PCGF3: variants seen among roughly 807,000 people sequenced by gnomAD.
PCGF3 encodes polycomb group RING finger protein 3.
A neutral mutation model predicts 33.1 loss-of-function variants in PCGF3; 7 were observed. The observed-to-expected ratio is 0.21, with a 90% confidence interval of 0.12 to 0.40. The LOEUF is 0.40. Ranked by LOEUF, PCGF3 falls within the 10% of genes least tolerant of loss-of-function variation. PCGF3 has a pLI of 1.00. For missense variants in PCGF3, 211 were observed against 313.3 expected (o/e 0.67, Z 2.46); for synonymous variants, 153 against 121.3 (o/e 1.26, Z -1.72).
chr4:749,856 C>T (rs138970727), intron 8 of PCGF3, among the ~76,000 whole-genome samples: 1 of 152,210 alleles, frequency 6.6e-6, no homozygotes, highest in Non-Finnish European at 1.5e-5. Flanking sequence ...CTGGCTCTCT[C>T]ACCCAACCTG....
intron 8 of PCGF3, among the ~76,000 whole-genome samples, chr4:754,388 C>T (rs1406343443): frequency 1.3e-5 from 2 of 152,240 alleles, no homozygotes; most frequent in Non-Finnish European, 2.9e-5. Flanking sequence ...TCCTGCTGCA[C>T]GCCTGCTGGA....
intron 8 of PCGF3, 43 bp from the exon 9 acceptor site, chr4:761,213 AGGAAGCCTCCAGAACCGTCCGGG>A: frequency 7.2e-7 from 1 of 1,389,072 alleles, no homozygotes; most frequent in Non-Finnish European, 9.6e-7. Context: ...AATATGTCTA[AGGAAGCCTCCAGAACCGTCCGGG>A]GGAACCCTCC....
chr4:763,578 A>T (rs1339387925), intron 9 of PCGF3, among the ~76,000 whole-genome samples: 2 of 152,224 alleles, frequency 1.3e-5, no homozygotes, highest in Non-Finnish European at 2.9e-5. Flanking sequence ...CTGACAACAC[A>T]TTCGGGAAAC....
At chr4:734,851 C>T (rs150392183) in intron 4 of PCGF3, 80 bp from the exon 5 acceptor site, 106 of 1,540,996 alleles carry the variant, frequency 6.9e-5, no homozygotes, top group Admixed American at 9.9e-5. Context: ...TCAGAGACGC[C>T]CGTGTTCAGT....
exon 11 of PCGF3, chr4:767,873 C>T (rs62294081): frequency 0.073 from 11,171 of 152,732 alleles, 476 homozygotes; most frequent in South Asian, 0.14. Context: ...TCAAAATACA[C>T]ATACTGCTGA....
chr4:738,474 C>T (rs1227991388), intron 6 of PCGF3, among the ~76,000 whole-genome samples: 1 of 152,186 alleles, frequency 6.6e-6, no homozygotes, highest in Admixed American at 6.5e-5. Flanking sequence ...AACGTTTGCA[C>T]CGAGTGTTTC....
chr4:765,028 A>G (rs1248327228), exon 10 of PCGF3: 1 of 1,613,832 alleles, frequency 6.2e-7, no homozygotes, highest in Admixed American at 1.7e-5. Context: ...AGGACCACAC[A>G]CTCAAGTTCG....
At position 736,042 on chromosome 4, in the gene PCGF3, T is replaced by A. The variant is rs570507830; in HGVS notation, c.206+1015T>A. Among the ~76,000 whole-genome samples the A allele has an allele frequency of 2.9e-3, 437 of 152,200 alleles. 11 individuals are homozygous for A. Among genetic ancestry groups the A allele is most frequent in the South Asian group, 8.9e-3 (43 of 4,818 alleles). ...GTTTTTCCCTTTTATTATTATTATT[T>A]TTCTTAATTTTATTTATTTTTCTTG... is the stretch of plus-strand genomic sequence containing the variant. On this transcript the variant is annotated intron_variant, in intron 5 of 10. Coordinates refer to ENST00000362003, the Ensembl canonical transcript of PCGF3.
chr4:708,871 T>C (rs746780747), intron 1 of PCGF3, among the ~76,000 whole-genome samples: 2 of 152,176 alleles, frequency 1.3e-5, no homozygotes, highest in Non-Finnish European at 2.9e-5. Flanking sequence ...CAGGCAAGGC[T>C]ATTTCCCACT....
At chr4:728,418 C>T (rs1047960831) in intron 1 of PCGF3, among the ~76,000 whole-genome samples, 9 of 151,348 alleles carry the variant, frequency 5.9e-5, no homozygotes, top group East Asian at 1.9e-4. Flanking sequence ...GCGTAGAGTG[C>T]GTGGGGGGTG....
At chr4:713,715 G>C (rs2109520515) in intron 1 of PCGF3, among the ~76,000 whole-genome samples, 1 of 152,206 alleles carries the variant, frequency 6.6e-6, no homozygotes, top group East Asian at 1.9e-4. Context: ...CCTCATGGAT[G>C]CTGTGTGGAG....
exon 11 of PCGF3, chr4:768,712 TTATTC>T (rs1294951499): frequency 2.6e-5 from 4 of 152,764 alleles, no homozygotes; most frequent in Admixed American, 2.0e-4. Context: ...ATAAAATTAT[TTATTC>T]TATTTTAAGC....
At chr4:733,647 T>A (rs1419248881) in intron 3 of PCGF3, 25 bp from the exon 4 acceptor site, 1 of 1,585,718 alleles carries the variant, frequency 6.3e-7, no homozygotes, top group Non-Finnish European at 8.5e-7. Flanking sequence ...TTTCAGGTGT[T>A]AATTAATCGC....
chr4:730,464 C>T (rs1054515970), intron 1 of PCGF3, among the ~76,000 whole-genome samples, 166 bp from the exon 2 acceptor site: 4 of 152,156 alleles, frequency 2.6e-5, no homozygotes, highest in African/African-American at 9.6e-5. Flanking sequence ...GAGACCAGCC[C>T]GTGTCTCCCG....
chr4:719,498 G>A (rs1742988688), intron 1 of PCGF3, among the ~76,000 whole-genome samples: 1 of 152,246 alleles, frequency 6.6e-6, no homozygotes, highest in African/African-American at 2.4e-5. Context: ...TGGCTGCTGT[G>A]AGCCGCCCCC....
At chr4:735,242 A>T (rs1347981602) in intron 5 of PCGF3, among the ~76,000 whole-genome samples, 2 of 152,182 alleles carry the variant, frequency 1.3e-5, no homozygotes. Context: ...GCCTGCACAT[A>T]CATTTCCATC....
intron 1 of PCGF3, among the ~76,000 whole-genome samples, chr4:711,362 T>C (rs1026245467): frequency 6.6e-6 from 1 of 152,270 alleles, no homozygotes; most frequent in Non-Finnish European, 1.5e-5. Context: ...GCTGTTACTC[T>C]TTATTAAATG....
exon 11 of PCGF3, chr4:768,708 TTATTTATTC>T (rs1745488466): frequency 6.6e-6 from 1 of 152,636 alleles, no homozygotes; most frequent in African/African-American, 2.4e-5. Flanking sequence ...CTTTATAAAA[TTATTTATTC>T]TATTTTAAGC....
intron 1 of PCGF3, among the ~76,000 whole-genome samples, chr4:722,701 CT>C (rs1743147215): frequency 8.3e-6 from 1 of 120,948 alleles, no homozygotes; most frequent in Admixed American, 7.9e-5. Context: ...CATCACCTGT[CT>C]GCGCTGGGTC....
Sources: allele counts gnomAD v4.1 joint callset (sites outside exome capture counted in the v4.1 genomes callset), GRCh38; gene constraint gnomAD v4.1.1; transcripts MANE v1.5; gene names NCBI Gene and HGNC (gene_info 2026-07-23, HGNC 2026-07-21).